The following PDCD4 variants were observed in gnomAD, a reference collection of about 807,000 sequenced individuals.
PDCD4 encodes the protein programmed cell death protein 4.
A neutral mutation model predicts 54.0 loss-of-function variants in PDCD4; 56 were observed. The observed-to-expected ratio is 1.04, with a 90% CI of 0.84 to 1.30. The LOEUF is 1.30. PDCD4 is among the 50% of genes most tolerant of loss of function. The pLI is 0.00. For missense variants in PDCD4, 584 were observed against 559.8 expected (o/e 1.04, Z -0.44); for synonymous variants, 186 against 194.8 (o/e 0.95, Z 0.37).
intron 2 of PDCD4, among the ~76,000 whole-genome samples, chr10:110,878,824 G>GCTAATAGGTACCAGGTAGTGTGGAAT (rs539629707): frequency 6.6e-6 from 1 of 152,100 alleles, no homozygotes; most frequent in Non-Finnish European, 1.5e-5. Context: ...AAGTGCCTTA[G>GCTAATAGGTACCAGGTAGTGTGGAAT]CTAATAGGTA....
intron 3 of PDCD4, 101 bp from the exon 4 acceptor site, chr10:110,882,902 A>ATT (rs147566781): frequency 1.3e-4 from 95 of 745,688 alleles, no homozygotes; most frequent in East Asian, 9.9e-4. Flanking sequence ...GTTAAATACA[A>ATT]TTTTTTTTTA....
At chr10:110,878,963 A>G (rs752352856) in intron 2 of PDCD4, among the ~76,000 whole-genome samples, 3 of 152,180 alleles carry the variant, frequency 2.0e-5, no homozygotes, top group Non-Finnish European at 4.4e-5. Context: ...ATTACTACTG[A>G]TGGTTATGAT....
intron 10 of PDCD4, 36 bp downstream of exon 10, chr10:110,894,558 TTA>T (rs756739849): frequency 5.5e-6 from 5 of 916,566 alleles, no homozygotes; most frequent in Middle Eastern, 2.3e-4. Flanking sequence ...ACTTGTAGGA[TTA>T]TGTCTTAAAT....
chr10:110,877,239 A>G (rs1434103349), intron 2 of PDCD4, among the ~76,000 whole-genome samples: 1 of 152,160 alleles, frequency 6.6e-6, no homozygotes, highest in Non-Finnish European at 1.5e-5. Context: ...CATATAGGTA[A>G]TTGCTTCTTT....
rs766888430 is a variant in PDCD4, at chr10:110,894,445, A to G, written c.1132A>G (p.Ser378Gly). 2 of 1,572,740 alleles carry G rather than the reference A, an allele frequency of 1.3e-6. No individual in the cohort carries two copies. Among genetic ancestry groups the G allele is most frequent in the East Asian group, 2.2e-5 (1 of 44,550 alleles). The change falls in exon 10 of 12, where the codon AGT becomes GGT. Residue 378 changes from serine (S) to glycine (G), a missense_variant. Ser to Gly is a moderately conservative substitution (Grantham distance 56). Transcript: ENST00000280154. ...AATGGTTTTAGAGTCAACTGGAGAA[A>G]GTACATTTAAGATGATTTTGGATTT... ...IIMVLESTGE[S>G]TFKMILDLLK... is the part of the protein sequence containing the mutation.
rs1473614242 is a variant in PDCD4 at position 110,890,682 on chromosome 10, G to C, written c.990+12G>C. 1.2e-5 allele frequency: 18 copies of C among 1,523,228 alleles called. No homozygotes were observed. Among genetic ancestry groups the C allele is most frequent in the Non-Finnish European group, 1.6e-5 (18 of 1,099,972 alleles). The allele number at this position is 1,523,228 out of a possible 1,614,324, so 94.4% of individuals were successfully genotyped here. On this transcript the variant is annotated intron_variant, in intron 8 of 11. Transcript: ENST00000280154. Reference sequence around the variant, plus strand: ...ACCTTGTTAAAGAGGTAATGATTGGGTATTGTTTTTAACTTAATTTATATG... The same window carrying C: ...ACCTTGTTAAAGAGGTAATGATTGGCTATTGTTTTTAACTTAATTTATATG...
intron 4 of PDCD4, chr10:110,885,003 C>A: frequency 7.0e-6 from 2 of 285,346 alleles, no homozygotes; most frequent in South Asian, 9.8e-5. Context: ...GCTATGTTTC[C>A]CAGGCTAGTA....
chr10:110,897,991 G>C (rs1327100763), intron 11 of PDCD4, 37 bp from the exon 12 acceptor site: 15 of 1,462,880 alleles, frequency 1.0e-5, no homozygotes, highest in Non-Finnish European at 1.4e-5. Context: ...GTCAGAATTT[G>C]TATCTGTTTT....
chr10:110,896,576 G>A (rs1845836027), intron 11 of PDCD4, among the ~76,000 whole-genome samples: 1 of 152,088 alleles, frequency 6.6e-6, no homozygotes, highest in African/African-American at 2.4e-5. Flanking sequence ...GTGTTGGGGG[G>A]TGTGTGGAGG....
At chr10:110,874,195 TTTTC>T (rs1269946944) in intron 1 of PDCD4, among the ~76,000 whole-genome samples, 2 of 152,230 alleles carry the variant, frequency 1.3e-5, no homozygotes, top group African/African-American at 4.8e-5. Context: ...ACCCGAAGGT[TTTTC>T]TGTAAGGTAC....
At chr10:110,894,908 GTTT>G (rs547785688) in intron 10 of PDCD4, among the ~76,000 whole-genome samples, 24 of 151,792 alleles carry the variant, frequency 1.6e-4, no homozygotes, top group African/African-American at 5.3e-4. Flanking sequence ...TGTTTGTGAG[GTTT>G]TTGTTTGCCT....
chr10:110,885,094 C>T (rs576354661), intron 4 of PDCD4, 159 bp from the exon 5 acceptor site: 2 of 480,064 alleles, frequency 4.2e-6, no homozygotes, highest in South Asian at 6.3e-5. Context: ...CCTTGCCTGG[C>T]CTAGATTCTA....
At chr10:110,887,618 G>T in intron 5 of PDCD4, 47 bp from the exon 6 acceptor site, 1 of 1,327,850 alleles carries the variant, frequency 7.5e-7, no homozygotes, top group South Asian at 1.2e-5. Context: ...TTGAACTATA[G>T]GTAGTGATAC....
intron 1 of PDCD4, among the ~76,000 whole-genome samples, chr10:110,874,012 TGAAAA>T (rs1158526043): frequency 6.6e-6 from 1 of 152,208 alleles, no homozygotes. Context: ...TGTTAACCCT[TGAAAA>T]GAATCTTCCT....
rs1184949067 is a variant in PDCD4, at chr10:110,889,627, C to G, written c.872C>G (p.Ala291Gly). 6.5e-7 allele frequency: 1 copy of G among 1,536,912 alleles called. No individual in the cohort carries two copies. Among genetic ancestry groups the G allele is most frequent in the South Asian group, 1.2e-5 (1 of 85,696 alleles). The change falls in exon 7 of 12, where the codon GCT becomes GGT. Residue 291 changes from alanine (A) to glycine (G), a missense_variant. Ala to Gly is a moderately conservative substitution (Grantham distance 60). Coordinates refer to ENST00000280154, the MANE Select transcript of PDCD4 (RefSeq NM_014456.5). ...SYKGTVDCVQ[A>G]RAALDKATVL... is the part of the protein sequence containing the mutation. Reference sequence around the variant, plus strand: ...AAAGGAACTGTAGATTGTGTGCAGGCTAGGTAAGTAAATCACTTTTCCTAC... The same window carrying G: ...AAAGGAACTGTAGATTGTGTGCAGGGTAGGTAAGTAAATCACTTTTCCTAC...
intron 10 of PDCD4, among the ~76,000 whole-genome samples, chr10:110,895,322 CCAT>C (rs1452342040): frequency 6.6e-6 from 1 of 152,026 alleles, no homozygotes; most frequent in Non-Finnish European, 1.5e-5. Context: ...ACAAGTGAGA[CCAT>C]GCATTATTTG....
In PDCD4 at chr10:110,881,466, A is replaced by G. The variant is rs752326682; in HGVS notation, c.277A>G (p.Thr93Ala). Reference sequence around the variant, plus strand: ...CCTTAGAAGTGGATTAACTGTGCCAACCAGTCCAAAGGGAAGGTTGCTGGA... The same window carrying G: ...CCTTAGAAGTGGATTAACTGTGCCAGCCAGTCCAAAGGGAAGGTTGCTGGA... ...DALRSGLTVP[T>A]SPKGRLLDRR... Residue 93 changes from threonine (T) to alanine (A), a missense_variant, in exon 3 of 12, where the codon ACC (threonine) becomes GCC (alanine). Coordinates refer to ENST00000280154, the MANE Select transcript of PDCD4 (RefSeq NM_014456.5). 1.1e-5 allele frequency: 17 copies of G among 1,614,106 alleles called. No homozygotes were observed. In the African/African-American group the frequency reaches 1.9e-4, roughly 18 times the overall value.
intron 3 of PDCD4, among the ~76,000 whole-genome samples, chr10:110,881,856 A>G (rs1845598272): frequency 6.6e-6 from 1 of 152,230 alleles, no homozygotes. Context: ...AGGAGTCAGA[A>G]ATCCATCATA....
At chr10:110,889,194 C>G (rs186652263) in intron 6 of PDCD4, among the ~76,000 whole-genome samples, 2 of 140,768 alleles carry the variant, frequency 1.4e-5, no homozygotes, top group Non-Finnish European at 3.0e-5. Context: ...TGCACTCCAG[C>G]CTGGGCGACA....
Sources: allele counts gnomAD v4.1 joint callset (sites outside exome capture counted in the v4.1 genomes callset), GRCh38; gene constraint gnomAD v4.1.1; transcripts MANE v1.5; gene names NCBI Gene and HGNC (gene_info 2026-07-23, HGNC 2026-07-21).